OXTR: variants seen among roughly 807,000 people sequenced by gnomAD.
OXTR encodes the protein oxytocin receptor.
OXTR carries 19 observed loss-of-function variants against 23.9 expected under a neutral mutation model. The ratio of observed to expected loss-of-function variants is 0.80; its 90% CI spans 0.56 to 1.17. OXTR has a LOEUF of 1.17. OXTR is among the 50% of genes most tolerant of loss of function. The probability of loss-of-function intolerance (pLI) is 0.00; values close to 1 mark genes in which losing one functional copy is unlikely to be tolerated. For missense variants in OXTR, 500 were observed against 550.7 expected (o/e 0.91, Z 0.92); for synonymous variants, 278 against 250.5 (o/e 1.11, Z -1.04).
the OXTR span, among the ~76,000 whole-genome samples, chr3:8,743,237 C>T: frequency 6.6e-6 from 1 of 152,262 alleles, no homozygotes; most frequent in African/African-American, 2.4e-5. Context: ...AACATCCTAA[C>T]CATCTCAGTG....
At chr3:8,755,826 T>C (rs1708360761) in intron 3 of OXTR, among the ~76,000 whole-genome samples, 1 of 152,200 alleles carries the variant, frequency 6.6e-6, no homozygotes, top group South Asian at 2.1e-4. Context: ...GGGAGATCTA[T>C]TTGGAACACA....
chr3:8,764,816 G>C (rs1708569311), intron 3 of OXTR, among the ~76,000 whole-genome samples: 1 of 152,212 alleles, frequency 6.6e-6, no homozygotes, highest in South Asian at 2.1e-4. Flanking sequence ...GGTCCCGGCT[G>C]CAGCAGCATC....
chr3:8,760,697 T>C lies in OXTR; in HGVS notation c.922+6569A>G, dbSNP rs1479406528. Among the ~76,000 whole-genome samples, 4 of 152,094 alleles carry C rather than the reference T, an allele frequency of 2.6e-5. No individual in the cohort carries two copies. In the East Asian group the frequency reaches 7.7e-4, roughly 29 times the overall value. On this transcript the variant is annotated intron_variant, in intron 3 of 3. Coordinates refer to ENST00000316793, the MANE Select transcript of OXTR (RefSeq NM_000916.4). ...TTGTGCCACAAAGCAGCCCACACAA[T>C]GGACTTGGGCTTCAAAGGATGGGAA...
chr3:8,767,124 T>G, intron 3 of OXTR, 142 bp downstream of exon 3: 1 of 741,092 alleles, frequency 1.3e-6, no homozygotes, highest in Non-Finnish European at 2.0e-6. Context: ...GGTCAAGGGA[T>G]GACAGAGCAG....
chr3:8,754,378 T>C (rs1014278066), intron 3 of OXTR, among the ~76,000 whole-genome samples: 5 of 152,080 alleles, frequency 3.3e-5, no homozygotes, highest in African/African-American at 1.2e-4. Context: ...AGGCAACATC[T>C]CCAGAAACCC....
intron 3 of OXTR, among the ~76,000 whole-genome samples, chr3:8,765,214 G>A (rs187598602): frequency 9.9e-4 from 151 of 152,312 alleles, no homozygotes; most frequent in Non-Finnish European, 1.9e-3. Flanking sequence ...TTCACGGTAC[G>A]TGTGACGTGT....
intron 3 of OXTR, among the ~76,000 whole-genome samples, chr3:8,756,476 A>C (rs1708376458): frequency 6.6e-6 from 1 of 152,176 alleles, no homozygotes; most frequent in Non-Finnish European, 1.5e-5. Flanking sequence ...GGTTGGTTCC[A>C]ATTAGTGAAT....
At position 8,768,016 on chromosome 3, in the gene OXTR, C is replaced by A; in HGVS notation, c.172G>T (p.Ala58Ser). The A allele has an allele frequency of 3.1e-6, 5 of 1,608,562 alleles. No homozygotes were observed. Among genetic ancestry groups the A allele is most frequent in the Non-Finnish European group, 4.2e-6 (5 of 1,177,956 alleles). Residue 58 changes from alanine to serine, a missense_variant, in exon 3 of 4, where the codon GCG (alanine) becomes TCG (serine). Physicochemically the swap from Ala to Ser is moderately conservative, Grantham distance 99 (BLOSUM62 1). Transcript: ENST00000316793. This position sits in a 1 kb window ranked among gnomAD's most constrained non-coding sequence, Gnocchi z 5.4. Reference protein sequence around the residue: ...LILLLALSGNACVLLALRTTR... With the variant: ...LILLLALSGNSCVLLALRTTR... ...GTGCGCAGCGCCAGCAGCACACACG[C>A]GTTCCCGCTCAGCGCCAGGAGCAGG...
intron 3 of OXTR, among the ~76,000 whole-genome samples, chr3:8,761,091 C>T (rs149858512): frequency 2.6e-5 from 4 of 152,304 alleles, no homozygotes; most frequent in African/African-American, 9.6e-5. Context: ...AACAGCTCCT[C>T]CCTGACACAC....
rs1378476361 is a variant in OXTR at position 8,750,848 on chromosome 3, T to G, written c.*2129A>C. 2.0e-5 allele frequency: 3 copies of G among 152,256 alleles called. No homozygotes were observed. The highest frequency in any genetic ancestry group is 2.9e-5 in the Non-Finnish European group (2 of 68,046). The allele number at this position is 152,256 out of a possible 1,614,324, so 9.4% of individuals were successfully genotyped here. On this transcript the variant is annotated 3_prime_UTR_variant, in exon 4 of 4. Transcript: ENST00000316793. ...AATAATGTTGCTATGAACATTGGTG[T>G]ACAAGTTTTTGTGTGTATGTACGTT...
Position 8,751,562 on chromosome 3 carries a change from A to G in OXTR, c.*1415T>C, listed in dbSNP as rs569574393. ...GCGTTTTGAGTTGATTTTTGCACATAGTGTGAGTAAAGGTCCAACCTCATT... is the reference window on the plus strand; with the variant it reads ...GCGTTTTGAGTTGATTTTTGCACATGGTGTGAGTAAAGGTCCAACCTCATT... On this transcript the variant is annotated 3_prime_UTR_variant, in exon 4 of 4. Transcript: ENST00000316793. 6.6e-6 allele frequency: 1 copy of G among 151,300 alleles called. No individual in the cohort carries two copies. Among genetic ancestry groups the G allele is most frequent in the Non-Finnish European group, 1.5e-5 (1 of 67,826 alleles). 9.4% of individuals were successfully genotyped at this position (151,300 alleles called of 1,614,324 possible).
intron 3 of OXTR, among the ~76,000 whole-genome samples, chr3:8,758,346 C>T (rs1329302989): frequency 1.3e-5 from 2 of 152,122 alleles, no homozygotes; most frequent in Admixed American, 1.3e-4. Flanking sequence ...CTGAGGCTAC[C>T]GGCACGTTTC....
chr3:8,745,753 C>T (rs1368502621), downstream of OXTR: 1 of 1,614,036 alleles, frequency 6.2e-7, no homozygotes, highest in African/African-American at 1.3e-5. This position sits in a 1 kb window ranked among gnomAD's most constrained non-coding sequence, Gnocchi z 4.8. Context: ...TGATCGAGAT[C>T]CAGTGCATCA....
At chr3:8,757,451 C>CA (rs1328611557) in intron 3 of OXTR, among the ~76,000 whole-genome samples, 7 of 150,150 alleles carry the variant, frequency 4.7e-5, no homozygotes, top group East Asian at 3.9e-4. Context: ...AAACAAAAAA[C>CA]AAAAAAAATC....
chr3:8,747,692 G>T (rs957803295), downstream of OXTR, among the ~76,000 whole-genome samples: 21 of 152,274 alleles, frequency 1.4e-4, no homozygotes, highest in African/African-American at 3.8e-4. Flanking sequence ...TTGTCGGGGG[G>T]CTCAGCAGGC....
intron 3 of OXTR, among the ~76,000 whole-genome samples, chr3:8,754,267 A>T (rs1182331893): frequency 6.6e-6 from 1 of 152,220 alleles, no homozygotes; most frequent in Admixed American, 6.5e-5. Context: ...GAAGAAAAAA[A>T]TCCTAATTCT....
intron 3 of OXTR, among the ~76,000 whole-genome samples, chr3:8,753,759 G>A (rs933672374): frequency 6.6e-6 from 1 of 152,130 alleles, no homozygotes; most frequent in East Asian, 1.9e-4. Context: ...AGAGTGCCTG[G>A]TACACAGTGG....
intron 3 of OXTR, among the ~76,000 whole-genome samples, chr3:8,756,806 C>T (rs952091393): frequency 2.0e-5 from 3 of 152,224 alleles, no homozygotes; most frequent in Non-Finnish European, 2.9e-5. Context: ...ATGCCTTCAT[C>T]CGGGCTTCTC....
chr3:8,765,710 C>G (rs898175274), intron 3 of OXTR, among the ~76,000 whole-genome samples: 54 of 152,224 alleles, frequency 3.5e-4, no homozygotes, highest in African/African-American at 1.3e-3. Context: ...ACTCCCTCAT[C>G]ATGTGTCCTT....
Sources: gnomAD v4.1 joint callset for allele counts (sites outside exome capture counted in the v4.1 genomes callset) on GRCh38, gnomAD v4.1.1 for gene constraint, Gnocchi (gnomAD v3.1) non-coding constraint, MANE v1.5 for transcripts, NCBI Gene and HGNC (gene_info 2026-07-23, HGNC 2026-07-21) for gene names.